BPTF: variants seen among roughly 807,000 people sequenced by gnomAD.
BPTF encodes the protein bromodomain PHD finger transcription factor, also known as nucleosome-remodeling factor subunit BPTF.
BPTF carries 18 observed loss-of-function variants against 292.5 expected under a neutral mutation model. That is an observed-to-expected ratio of 0.06 (90% CI 0.04 to 0.09). The LOEUF is 0.09. BPTF is among the 10% of genes least tolerant of loss of function. The pLI, the probability that BPTF is intolerant of heterozygous loss-of-function variation, is 1.00. For missense variants in BPTF, 2,726 were observed against 3,498.7 expected, an observed-to-expected ratio of 0.78 and a Z score of 5.57; for synonymous variants, 1,225 against 1,251.9, an observed-to-expected ratio of 0.98 and a Z score of 0.45.
In BPTF at chr17:67,892,029, A is replaced by G; in HGVS notation, c.2050A>G (p.Lys684Glu). 1 of 1,587,644 alleles carries G rather than the reference A, an allele frequency of 6.3e-7. No individual in the cohort carries two copies. Among genetic ancestry groups the G allele is most frequent in the Non-Finnish European group, 8.6e-7 (1 of 1,167,420 alleles). ...AGCAAATAAATTATTTAAGGAGGGC[A>G]AAGAGGTGTGTTCTTTCTGTTTAAA... ...HEANKLFKEGKEVLVVNSQGE... is the reference protein window; with the variant it reads ...HEANKLFKEGEEVLVVNSQGE... Residue 684 changes from lysine to glutamate, a missense_variant, in exon 5 of 28, where the codon AAA becomes GAA. Lys to Glu is a moderately conservative substitution (Grantham distance 56, BLOSUM62 1). This residue lies in a region of BPTF where 63 missense variants were observed against 84.1 expected (regional missense o/e 0.75). Transcript: ENST00000306378.
intron 7 of BPTF, among the ~76,000 whole-genome samples, chr17:67,895,062 TAC>T (rs2061350723): frequency 2.6e-5 from 4 of 152,170 alleles, no homozygotes; most frequent in Admixed American, 2.6e-4. Context: ...CAATCTTTTC[TAC>T]AGAGTCCACT....
At chr17:67,961,625 T>C (rs562002614) in intron 24 of BPTF, among the ~76,000 whole-genome samples, 1 of 152,182 alleles carries the variant, frequency 6.6e-6, no homozygotes, top group East Asian at 1.9e-4. Flanking sequence ...AGTGGGAGGA[T>C]CACTTGAGCC....
intron 4 of BPTF, among the ~76,000 whole-genome samples, chr17:67,883,110 C>T (rs117234918): frequency 0.087 from 13,151 of 151,702 alleles, 777 homozygotes; most frequent in Non-Finnish European, 0.13. Flanking sequence ...ATCAGGAGTT[C>T]GAGACCAGCC....
chr17:67,836,516 T>G (rs2057144622), intron 1 of BPTF, among the ~76,000 whole-genome samples: 1 of 152,206 alleles, frequency 6.6e-6, no homozygotes, highest in Admixed American at 6.5e-5. Context: ...CATAGATACT[T>G]GTCTCAAGAG....
At chr17:67,850,944 A>G (rs62084234) in intron 1 of BPTF, among the ~76,000 whole-genome samples, 31,043 of 152,162 alleles carry the variant, frequency 0.2, 3,977 homozygotes, top group East Asian at 0.66. Flanking sequence ...TGTAAATGGC[A>G]ATGCAGATAT....
intron 15 of BPTF, 149 bp from the exon 16 acceptor site, chr17:67,928,203 TATG>T: frequency 2.3e-6 from 2 of 855,612 alleles, no homozygotes; most frequent in Non-Finnish European, 3.5e-6. Flanking sequence ...GGTAAATTTA[TATG>T]GACATATATT....
Position 67,975,690 on chromosome 17 carries a change from T to C in BPTF, c.8540-82T>C, listed in dbSNP as rs542232083. 250 of 1,296,912 alleles carry C rather than the reference T, an allele frequency of 1.9e-4. No individual in the cohort carries two copies. The African/African-American group carries it at 3.3e-3, about 17-fold the overall frequency. 80.3% of individuals were successfully genotyped at this position (1,296,912 alleles called of 1,614,324 possible). A position where few individuals can be genotyped will look rare whatever the true frequency, so the allele number is the denominator to read the frequency against. On this transcript the variant is annotated intron_variant, in intron 26 of 27. Transcript: ENST00000306378. Reference sequence around the variant, plus strand: ...CAGGACTGCTTGCACAGTAAACATATATACTTGTTAGAACTTCGGAGAATA... The same window carrying C: ...CAGGACTGCTTGCACAGTAAACATACATACTTGTTAGAACTTCGGAGAATA...
intron 1 of BPTF, among the ~76,000 whole-genome samples, chr17:67,846,347 C>G (rs919641608): frequency 3.9e-5 from 6 of 152,264 alleles, no homozygotes; most frequent in African/African-American, 1.4e-4. Flanking sequence ...GTTGACAACC[C>G]AGTGGGTTAT....
Position 67,946,035 on chromosome 17 carries a change from C to G in BPTF, c.7327C>G (p.Gln2443Glu), listed in dbSNP as rs1555675080. ...TGTGCCTCAGCTGCAACAACAAGTC[C>G]AGGTTCTCTCTCAGATCCAGTCACA... ...IAVPQLQQQV[Q>E]VLSQIQSQVV... Residue 2443 changes from glutamine to glutamate, a missense_variant, in exon 21 of 28, where the codon CAG becomes GAG. Transcript: ENST00000306378. The G allele has an allele frequency of 3.1e-6, 5 of 1,614,078 alleles. No individual in the cohort carries two copies. Among genetic ancestry groups the G allele is most frequent in the Non-Finnish European group, 4.2e-6 (5 of 1,180,038 alleles).
intron 24 of BPTF, among the ~76,000 whole-genome samples, chr17:67,962,239 TC>T (rs2067582371): frequency 6.6e-6 from 1 of 152,192 alleles, no homozygotes; most frequent in Non-Finnish European, 1.5e-5. Flanking sequence ...GAGGACGACT[TC>T]CATTCCTCTA....
intron 3 of BPTF, among the ~76,000 whole-genome samples, chr17:67,868,337 T>TA (rs988280771): frequency 5.6e-4 from 86 of 152,318 alleles, no homozygotes; most frequent in Non-Finnish European, 9.4e-4. Context: ...GTTTAATAAA[T>TA]ACCACCTGTG....
intron 11 of BPTF, among the ~76,000 whole-genome samples, chr17:67,916,461 G>A (rs534165722): frequency 7.8e-4 from 119 of 152,186 alleles, no homozygotes; most frequent in Non-Finnish European, 1.5e-3. Context: ...GTGGTGGCGG[G>A]CGCCTGTAAT....
At chr17:67,973,678 G>A (rs924889493) in intron 26 of BPTF, among the ~76,000 whole-genome samples, 1 of 151,808 alleles carries the variant, frequency 6.6e-6, no homozygotes, top group Non-Finnish European at 1.5e-5. Flanking sequence ...GCTTATTTTT[G>A]CATTTTTAGT....
intron 1 of BPTF, among the ~76,000 whole-genome samples, chr17:67,853,370 T>C (rs1212399204): frequency 6.6e-6 from 1 of 152,142 alleles, no homozygotes; most frequent in Non-Finnish European, 1.5e-5. Context: ...TTCCTTCCTT[T>C]CTGTCTTCAC....
At chr17:67,902,470 T>A (rs1167107817) in intron 7 of BPTF, among the ~76,000 whole-genome samples, 1 of 152,190 alleles carries the variant, frequency 6.6e-6, no homozygotes, top group African/African-American at 2.4e-5. Flanking sequence ...TCTCCTTAGT[T>A]CCAAGCGTGT....
Position 67,959,731 on chromosome 17 carries a change from C to A in BPTF, c.8117C>A (p.Ala2706Asp). The change falls in exon 24 of 28, where the codon GCT becomes GAT. Residue 2706 changes from alanine (A) to aspartate (D), a missense_variant. Ala to Asp is a moderately radical substitution (Grantham distance 126, BLOSUM62 -2). Around this residue, in one of 22 missense-constraint regions of BPTF, gnomAD observed 148 missense variants for 145.5 expected, o/e 1.02. Transcript: ENST00000306378. ...CTTCTGTCCACGCCCACCTTACCTGCTGCTTCCCAGAAGAGGAAGCGGGAA... is the reference window on the plus strand; with the variant it reads ...CTTCTGTCCACGCCCACCTTACCTGATGCTTCCCAGAAGAGGAAGCGGGAA... ...TGLLSTPTLP[A>D]ASQKRKREEE... 6.2e-7 allele frequency: 1 copy of A among 1,614,036 alleles called. No individual in the cohort carries two copies. The highest frequency in any genetic ancestry group is 8.5e-7 in the Non-Finnish European group (1 of 1,180,026).
At position 67,947,727 on chromosome 17, in the gene BPTF, T is replaced by A; in HGVS notation, c.7619T>A (p.Val2540Glu). ...TTTTGGATTTATTCTGTCCTGAAGG[T>A]GGTGATGAAGCATAATGCTGTAATA... Reference protein sequence around the residue: ...SNQSEIIQKQVVMKHNAVIEH... With the variant: ...SNQSEIIQKQEVMKHNAVIEH... Residue 2540 changes from valine (V) to glutamate (E), a missense_variant and splice_region_variant, in exon 22 of 28, where the codon GTG (valine) becomes GAG (glutamate). By Grantham distance (121) the Val-to-Glu change is moderately radical (BLOSUM62 -2). Transcript: ENST00000306378. 1 of 1,553,356 alleles carries A rather than the reference T, an allele frequency of 6.4e-7. No homozygotes were observed. The highest frequency in any genetic ancestry group is 8.7e-7 in the Non-Finnish European group (1 of 1,147,472).
chr17:67,835,886 T>C (rs1290577074), intron 1 of BPTF, among the ~76,000 whole-genome samples: 5 of 151,920 alleles, frequency 3.3e-5, no homozygotes, highest in Admixed American at 1.3e-4. Context: ...AGGATGGTCT[T>C]GATTTCCTGA....
intron 23 of BPTF, among the ~76,000 whole-genome samples, chr17:67,955,006 T>C (rs2066782148): frequency 6.6e-6 from 1 of 152,104 alleles, no homozygotes; most frequent in African/African-American, 2.4e-5. Flanking sequence ...TTTAAAAGCT[T>C]TGGCCGGGTA....
Sources: gnomAD v4.1 joint callset for allele counts (sites outside exome capture counted in the v4.1 genomes callset) on GRCh38, gnomAD v4.1.1 for gene constraint, gnomAD v4.1.1 regional missense constraint, MANE v1.5 for transcripts, NCBI Gene and HGNC (gene_info 2026-07-23, HGNC 2026-07-21) for gene names.